CPNE1: variants seen among roughly 807,000 people sequenced by gnomAD.
CPNE1 encodes copine-1.
CPNE1 carries 58 observed loss-of-function variants against 63.2 expected under a neutral mutation model. The observed-to-expected ratio is 0.92, with a 90% CI of 0.74 to 1.14. CPNE1 has a LOEUF of 1.14. Ranked by LOEUF, CPNE1 falls within the 50% of genes most tolerant of loss-of-function variation. The pLI is 0.00. For missense variants in CPNE1, 672 were observed against 661.7 expected (o/e 1.02, Z -0.17); for synonymous variants, 237 against 249.0 (o/e 0.95, Z 0.45).
Position 35,630,881 on chromosome 20 carries a change from C to T in CPNE1, c.995+20G>A. 6.2e-7 allele frequency: 1 copy of T among 1,602,798 alleles called. No homozygotes were observed. Among genetic ancestry groups the T allele is most frequent in the Non-Finnish European group, 8.5e-7 (1 of 1,174,002 alleles). ...AGCATCTGCAGGGAGCGGGTATAGCCCAGAGAAGCAGGTACTCACGAGTCA... is the reference window on the plus strand; with the variant it reads ...AGCATCTGCAGGGAGCGGGTATAGCTCAGAGAAGCAGGTACTCACGAGTCA... On this transcript the variant is annotated intron_variant, in intron 11 of 15. Transcript: ENST00000397443.
chr20:35,658,052 GAAAT>G (rs2034007207), intron 1 of CPNE1, among the ~76,000 whole-genome samples: 3 of 151,416 alleles, frequency 2.0e-5, no homozygotes, highest in Admixed American at 6.6e-5. Context: ...GTCTCAAAAA[GAAAT>G]AAATAAATAA....
intron 14 of CPNE1, 152 bp from the exon 15 acceptor site, chr20:35,626,955 A>C (rs569560231): frequency 4.3e-6 from 3 of 703,626 alleles, no homozygotes; most frequent in South Asian, 1.7e-5. Flanking sequence ...TGGGAGGCTA[A>C]GGCAGGCGGA....
At chr20:35,660,646 ATGAAGTAC>A (rs1196112155) in intron 1 of CPNE1, among the ~76,000 whole-genome samples, 1 of 152,256 alleles carries the variant, frequency 6.6e-6, no homozygotes, top group African/African-American at 2.4e-5. Flanking sequence ...GAGCAAGAGC[ATGAAGTAC>A]TGTAATATTT....
chr20:35,627,548 T>TG, intron 13 of CPNE1, 135 bp from the exon 14 acceptor site: 6 of 836,892 alleles, frequency 7.2e-6, no homozygotes, highest in African/African-American at 1.7e-5. Flanking sequence ...TAAACCAGGG[T>TG]ACTTAACTGT....
At chr20:35,636,734 T>C (rs1395408192) in intron 1 of CPNE1, among the ~76,000 whole-genome samples, 3 of 152,114 alleles carry the variant, frequency 2.0e-5, no homozygotes, top group Non-Finnish European at 4.4e-5. Context: ...GAGGTTGCAG[T>C]GAGCCGAGAT....
At position 35,632,885 on chromosome 20, in the gene CPNE1, G is replaced by A; in HGVS notation, c.39C>T (p.Ser13=). 1.1e-6 allele frequency: 1 copy of A among 872,944 alleles called. No individual in the cohort carries two copies. The highest frequency in any genetic ancestry group is 2.0e-6 in the Non-Finnish European group (1 of 501,662). 54.1% of individuals were successfully genotyped at this position (872,944 alleles called of 1,614,324 possible). A position where few individuals can be genotyped will look rare whatever the true frequency, so the allele number is the denominator to read the frequency against. The change falls in exon 2 of 16, where the codon TCC becomes TCT. Residue 13 remains serine, a synonymous_variant. Transcript: ENST00000397443. ...HCVTLVQLSI[S]CDHLIDKDIG... ...TGTCCTTGTCAATGAGATGGTCACA[G>A]GAAATGGACAGCTGAACCAAGGTCA...
intron 1 of CPNE1, chr20:35,655,340 C>A: frequency 1.3e-6 from 2 of 1,596,488 alleles, no homozygotes; most frequent in African/African-American, 2.7e-5. Context: ...TGAAACCACA[C>A]ACACCTGCAG....
chr20:35,650,997 A>T lies in CPNE1; in HGVS notation c.-1+13763T>A, dbSNP rs531793052. On this transcript the variant is annotated intron_variant, in intron 1 of 15. Transcript: ENST00000397443. ...ATCTCTCATCTATCTCTCCTTCTGT[A>T]TTGTTTATAATGTGACACATTTTCA... 2.0e-5 allele frequency: 3 copies of T among 152,530 alleles called. 1 individual carries two copies. The highest frequency in any genetic ancestry group is 4.4e-5 in the Non-Finnish European group (3 of 68,012). 9.4% of individuals were successfully genotyped at this position (152,530 alleles called of 1,614,324 possible).
At chr20:35,631,215 G>C (rs1203043113) in intron 9 of CPNE1, 42 bp from the exon 10 acceptor site, 2 of 1,613,272 alleles carry the variant, frequency 1.2e-6, no homozygotes, top group Non-Finnish European at 1.7e-6. Context: ...GATAGCAGTT[G>C]GTGTCATGGA....
intron 1 of CPNE1, chr20:35,652,750 A>T (rs1362410472): frequency 6.2e-7 from 1 of 1,613,432 alleles, no homozygotes. Context: ...TTGCACTTTA[A>T]TTACTGTCGG....
At chr20:35,638,380 T>C (rs952486623) in intron 1 of CPNE1, among the ~76,000 whole-genome samples, 14 of 152,192 alleles carry the variant, frequency 9.2e-5, no homozygotes, top group Admixed American at 5.9e-4. Flanking sequence ...AAGGAAAATA[T>C]GTGAATCAGA....
intron 1 of CPNE1, chr20:35,658,783 C>CA (rs2034054327): frequency 7.2e-6 from 4 of 557,666 alleles, no homozygotes; most frequent in South Asian, 2.2e-5. Flanking sequence ...CGTCTCAAAA[C>CA]AAAAAACAAG....
At position 35,663,291 on chromosome 20, in the gene CPNE1, T is replaced by G. The variant is rs550883053; in HGVS notation, c.-1+1469A>C. Reference sequence around the variant, plus strand: ...ACAAGATTTCCCTATGTGTCCAGACTTGAGGGATTTTTCTCGACTGCAAAT... The same window carrying G: ...ACAAGATTTCCCTATGTGTCCAGACGTGAGGGATTTTTCTCGACTGCAAAT... On this transcript the variant is annotated intron_variant, in intron 1 of 15. Coordinates refer to ENST00000397443, the MANE Select transcript of CPNE1 (RefSeq NM_152925.3). Among the ~76,000 whole-genome samples the G allele has an allele frequency of 5.9e-5, 9 of 152,344 alleles. No homozygotes were observed. The South Asian group carries it at 1.9e-3, about 32-fold the overall frequency.
intron 13 of CPNE1, among the ~76,000 whole-genome samples, chr20:35,629,211 C>T (rs2031963538): frequency 6.6e-6 from 1 of 152,238 alleles, no homozygotes; most frequent in African/African-American, 2.4e-5. Flanking sequence ...GCCCTGACCC[C>T]TGAGTTCCAA....
chr20:35,635,445 A>C (rs1304750972), intron 1 of CPNE1, among the ~76,000 whole-genome samples: 3 of 152,114 alleles, frequency 2.0e-5, no homozygotes, highest in Non-Finnish European at 4.4e-5. Context: ...AGCCAGCTCC[A>C]AACTAACTGA....
chr20:35,654,471 G>A, intron 1 of CPNE1: 3 of 1,614,200 alleles, frequency 1.9e-6, no homozygotes, highest in Non-Finnish European at 2.5e-6. Flanking sequence ...TCTGGATAGG[G>A]TTAACAGGAT....
In CPNE1 at chr20:35,636,563, G is replaced by A. The variant is rs531600238; in HGVS notation, c.1-3640C>T. On this transcript the variant is annotated intron_variant, in intron 1 of 15. Transcript: ENST00000397443. ...TGTTGTAATCCCAGCGTTTTGGGAC[G>A]CCGAGGCAGGCGGATCACTTGAGGT... is the stretch of plus-strand genomic sequence containing the variant. Among the ~76,000 whole-genome samples the A allele has an allele frequency of 2.4e-4, 37 of 152,286 alleles. 1 individual carries two copies. Among genetic ancestry groups the A allele is most frequent in the African/African-American group, 7.9e-4 (33 of 41,548 alleles).
chr20:35,640,429 T>C (rs758653526), intron 1 of CPNE1, among the ~76,000 whole-genome samples: 6 of 152,188 alleles, frequency 3.9e-5, no homozygotes, highest in Admixed American at 2.0e-4. Context: ...CAGAACCATA[T>C]TAAATATCAC....
At chr20:35,627,762 T>G (rs2031855353) in intron 13 of CPNE1, among the ~76,000 whole-genome samples, 1 of 152,082 alleles carries the variant, frequency 6.6e-6, no homozygotes, top group East Asian at 1.9e-4. Flanking sequence ...AAGGGAAAGC[T>G]CCTAATAAAT....
Sources: allele counts gnomAD v4.1 joint callset (sites outside exome capture counted in the v4.1 genomes callset), GRCh38; gene constraint gnomAD v4.1.1; transcripts MANE v1.5; gene names NCBI Gene and HGNC (gene_info 2026-07-23, HGNC 2026-07-21).